The following PCSK5 variants were observed in gnomAD, a reference collection of about 807,000 sequenced individuals.
PCSK5 encodes prohormone convertase 5.
PCSK5 carries 129 observed loss-of-function variants against 233.2 expected under a neutral mutation model. The ratio of observed to expected loss-of-function variants is 0.55; its 90% CI spans 0.48 to 0.64. The LOEUF (loss-of-function observed/expected upper bound fraction) is 0.64. Among genes scored for constraint, PCSK5 ranks in the 30% least tolerant of loss-of-function variants. PCSK5 has a pLI of 0.00. For synonymous variants in PCSK5, 825 were observed against 879.2 expected, an observed-to-expected ratio of 0.94 and a Z score of 1.09; for missense variants, 2,076 against 2,430.1, an observed-to-expected ratio of 0.85 and a Z score of 3.06.
At position 76,096,186 on chromosome 9, in the gene PCSK5, T is replaced by C. The variant is rs553103178; in HGVS notation, c.1107+84T>C. 2,413 of 698,488 alleles carry C rather than the reference T, an allele frequency of 3.5e-3. 28 individuals are homozygous for C. In the African/African-American group the frequency reaches 0.044, roughly 13 times the overall value. The allele number at this position is 698,488 out of a possible 1,614,324, so 43.3% of individuals were successfully genotyped here. On this transcript the variant is annotated intron_variant, in intron 8 of 37. Transcript: ENST00000674117. Reference sequence around the variant, plus strand: ...AAAGGGAGAACCATAAACATATATATATATACACACACACACACACACACA... The same window carrying C: ...AAAGGGAGAACCATAAACATATATACATATACACACACACACACACACACA...
At chr9:76,327,208 G>A (rs529096067) in intron 32 of PCSK5, among the ~76,000 whole-genome samples, 99 of 151,836 alleles carry the variant, frequency 6.5e-4, no homozygotes, top group African/African-American at 2.3e-3. Flanking sequence ...CTGGGCTCAG[G>A]AGATCCTTCC....
At chr9:76,205,358 G>A (rs1277980075) in intron 20 of PCSK5, among the ~76,000 whole-genome samples, 1 of 152,132 alleles carries the variant, frequency 6.6e-6, no homozygotes, top group East Asian at 1.9e-4. Context: ...AGACCATAGA[G>A]GGCCCTCGTA....
At chr9:76,287,973 C>G (rs952856539) in intron 24 of PCSK5, 1 of 146,594 alleles carries the variant, frequency 6.8e-6, no homozygotes, top group African/African-American at 2.5e-5. Flanking sequence ...TTTCTTTGGT[C>G]ATTCAGATAT....
intron 12 of PCSK5, among the ~76,000 whole-genome samples, chr9:76,161,080 C>A (rs182841939): frequency 3.3e-5 from 5 of 152,316 alleles, no homozygotes; most frequent in African/African-American, 1.2e-4. Flanking sequence ...AGCCCGGAAT[C>A]TGAAATCTTC....
At chr9:76,225,291 C>T (rs1825853991) in intron 20 of PCSK5, among the ~76,000 whole-genome samples, 1 of 152,116 alleles carries the variant, frequency 6.6e-6, no homozygotes, top group Non-Finnish European at 1.5e-5. Context: ...TAGTAGCTGG[C>T]ATGTATGTAG....
intron 34 of PCSK5, among the ~76,000 whole-genome samples, 163 bp downstream of exon 34, chr9:76,332,773 A>T (rs1829572966): frequency 6.6e-6 from 1 of 152,230 alleles, no homozygotes; most frequent in Non-Finnish European, 1.5e-5. Flanking sequence ...AACAGAAGAG[A>T]AACAGGAGAG....
chr9:76,338,304 C>T lies in PCSK5; in HGVS notation c.4823C>T (p.Pro1608Leu). 1 of 1,612,518 alleles carries T rather than the reference C, an allele frequency of 6.2e-7. No homozygotes were observed. The highest frequency in any genetic ancestry group is 1.3e-5 in the African/African-American group (1 of 75,012). The change falls in exon 35 of 38, where the codon CCC becomes CTC. Residue 1608 changes from proline to leucine, a missense_variant. Coordinates refer to ENST00000674117, the MANE Select transcript of PCSK5 (RefSeq NM_001372043.1). Reference protein sequence around the residue: ...RSCKGCQGPRPTDCLSCDRFF... With the variant: ...RSCKGCQGPRLTDCLSCDRFF... ...TGCAAGGGGTGCCAGGGCCCACGGC[C>T]CACAGACTGCCTGTCTTGCGATAGA...
At chr9:76,259,730 A>C (rs937980703) in intron 24 of PCSK5, among the ~76,000 whole-genome samples, 1 of 151,966 alleles carries the variant, frequency 6.6e-6, no homozygotes, top group Non-Finnish European at 1.5e-5. Flanking sequence ...ATAATGTTCA[A>C]CCAAGTCAAT....
chr9:75,906,413 G>T (rs942712827), intron 1 of PCSK5, among the ~76,000 whole-genome samples: 10 of 152,132 alleles, frequency 6.6e-5, no homozygotes, highest in African/African-American at 1.9e-4. Context: ...TTTTAGTAGA[G>T]ATGGGGTTTC....
At chr9:76,332,944 A>G (rs1829577724) in intron 34 of PCSK5, among the ~76,000 whole-genome samples, 1 of 152,222 alleles carries the variant, frequency 6.6e-6, no homozygotes, top group Non-Finnish European at 1.5e-5. Flanking sequence ...TGGGAGGTTG[A>G]GGCTGGAGGA....
At chr9:76,128,647 TC>T (rs1282793238) in intron 9 of PCSK5, among the ~76,000 whole-genome samples, 1 of 152,210 alleles carries the variant, frequency 6.6e-6, no homozygotes, top group Non-Finnish European at 1.5e-5. Context: ...GGGGCTATCT[TC>T]TCTTAAGTGT....
At chr9:76,332,759 C>T in intron 34 of PCSK5, 149 bp downstream of exon 34, 1 of 629,302 alleles carries the variant, frequency 1.6e-6, no homozygotes, top group Non-Finnish European at 2.8e-6. Flanking sequence ...AACCAATTCA[C>T]AGTAACAGAA....
chr9:76,102,410 GT>G (rs1831801688), intron 8 of PCSK5, among the ~76,000 whole-genome samples: 1 of 152,136 alleles, frequency 6.6e-6, no homozygotes, highest in Non-Finnish European at 1.5e-5. Context: ...GCTCATTGTG[GT>G]AGTTTTAGAG....
chr9:76,295,275 G>A lies in PCSK5; in HGVS notation c.3186G>A (p.Arg1062=), dbSNP rs1034307167. ...TCTSCAMGYY[R]FDHHCYKTCP... Reference sequence around the variant, plus strand: ...AAGAAATGATGTCTTCTTCCTCTAGGTTTGATCACCATTGTTATAAAACCT... The same window carrying A: ...AAGAAATGATGTCTTCTTCCTCTAGATTTGATCACCATTGTTATAAAACCT... Residue 1062 remains arginine, a splice_region_variant and synonymous_variant, in exon 26 of 38, where the codon AGG becomes AGA. Transcript: ENST00000674117. 1 of 1,608,786 alleles carries A rather than the reference G, an allele frequency of 6.2e-7. No homozygotes were observed. Among genetic ancestry groups the A allele is most frequent in the South Asian group, 1.1e-5 (1 of 90,064 alleles).
intron 9 of PCSK5, among the ~76,000 whole-genome samples, chr9:76,114,159 G>C (rs1255334609): frequency 6.6e-6 from 1 of 152,124 alleles, no homozygotes; most frequent in Admixed American, 6.6e-5. Flanking sequence ...AGCCTGAAGA[G>C]GGTGAAGAGA....
Position 76,238,945 on chromosome 9 carries a change from CT to C in PCSK5, c.2867-13del, listed in dbSNP as rs1745626036. On this transcript the variant is annotated splice_polypyrimidine_tract_variant and intron_variant, in intron 22 of 37. Transcript: ENST00000674117. ...TACATTTTCCCTCTTTTCGTTGCCC[CT>C]GTAACTGATCAGACAACTATGGCCG... 8.7e-6 allele frequency: 14 copies of C among 1,600,576 alleles called. No homozygotes were observed. Among genetic ancestry groups the C allele is most frequent in the Non-Finnish European group, 1.2e-5 (14 of 1,169,594 alleles).
chr9:75,941,298 G>C (rs1824291958), intron 2 of PCSK5, among the ~76,000 whole-genome samples: 1 of 152,070 alleles, frequency 6.6e-6, no homozygotes, highest in Admixed American at 6.5e-5. Context: ...GCTGATCCAG[G>C]GTGTGTTGAG....
intron 3 of PCSK5, among the ~76,000 whole-genome samples, chr9:76,003,768 C>T (rs1827358730): frequency 1.3e-5 from 2 of 152,168 alleles, no homozygotes; most frequent in South Asian, 4.2e-4. Context: ...GATTCCAGAA[C>T]ACAGGGTCAT....
intron 3 of PCSK5, among the ~76,000 whole-genome samples, chr9:76,021,963 T>C (rs1418013224): frequency 2.6e-5 from 4 of 152,198 alleles, no homozygotes; most frequent in Non-Finnish European, 5.9e-5. Flanking sequence ...TTTGATACGC[T>C]GAACTCTTTC....
Sources: gnomAD v4.1 joint callset for allele counts (sites outside exome capture counted in the v4.1 genomes callset) on GRCh38, gnomAD v4.1.1 for gene constraint, MANE v1.5 for transcripts, NCBI Gene and HGNC (gene_info 2026-07-23, HGNC 2026-07-21) for gene names.